Variants in TLN2 observed in about 807,000 individuals in gnomAD.
TLN2 encodes the protein talin 2.
In TLN2, 118 loss-of-function variants were observed where a neutral mutation model predicts 294.7. The ratio of observed to expected loss-of-function variants is 0.40; its 90% confidence interval spans 0.34 to 0.47. TLN2 has a LOEUF of 0.47. Ranked by LOEUF, TLN2 falls within the 20% of genes least tolerant of loss-of-function variation. The probability of loss-of-function intolerance (pLI) is 0.84; values close to 1 mark genes in which losing one functional copy is unlikely to be tolerated. For missense variants in TLN2, 3,083 were observed against 3,282.2 expected (o/e 0.94, Z 1.48); for synonymous variants, 1,431 against 1,304.5 (o/e 1.10, Z -2.09).
At position 62,833,527 on chromosome 15, in the gene TLN2, T is replaced by A; in HGVS notation, c.7026T>A (p.Phe2342Leu). 1 of 1,614,166 alleles carries A rather than the reference T, an allele frequency of 6.2e-7. No homozygotes were observed. The highest frequency in any genetic ancestry group is 1.1e-5 in the South Asian group (1 of 91,064). Reference protein sequence around the residue: ...KPKQADETLDFEEQILEAAKS... With the variant: ...KPKQADETLDLEEQILEAAKS... ...AGCAAGCGGATGAGACCCTGGACTT[T>A]GAGGAACAGATCTTGGAAGCTGCTA... The change falls in exon 55 of 59, where the codon TTT becomes TTA. Residue 2342 changes from phenylalanine to leucine, a missense_variant. Coordinates refer to ENST00000636159, the MANE Select transcript of TLN2 (RefSeq NM_015059.3).
intron 1 of TLN2, among the ~76,000 whole-genome samples, chr15:62,450,539 A>ATGTGTGTG (rs1343419231): frequency 4.8e-5 from 3 of 62,058 alleles, no homozygotes; most frequent in African/African-American, 1.3e-4. Flanking sequence ...GTATGTATGT[A>ATGTGTGTG]TGTATGTATG....
chr15:62,700,641 G>T (rs1037587080), intron 16 of TLN2, among the ~76,000 whole-genome samples: 1 of 152,100 alleles, frequency 6.6e-6, no homozygotes, highest in African/African-American at 2.4e-5. Context: ...GACAATGCAC[G>T]TTGTAAGCAA....
At chr15:62,468,605 T>C (rs1056086656) in intron 1 of TLN2, among the ~76,000 whole-genome samples, 1 of 151,194 alleles carries the variant, frequency 6.6e-6, no homozygotes, top group Non-Finnish European at 1.5e-5. Flanking sequence ...ATTAGCCGGG[T>C]GTGGTGGCGG....
chr15:62,818,503 A>G (rs1429525464), intron 52 of TLN2, among the ~76,000 whole-genome samples: 1 of 152,182 alleles, frequency 6.6e-6, no homozygotes, highest in Admixed American at 6.5e-5. Context: ...TTGAGAAGAA[A>G]TCAGCTGGGG....
At chr15:62,538,222 T>TAC (rs146369886) in intron 1 of TLN2, among the ~76,000 whole-genome samples, 7,172 of 149,890 alleles carry the variant, frequency 0.048, 521 homozygotes, top group African/African-American at 0.16. Flanking sequence ...GACTTTGTCA[T>TAC]ACACACACAC....
intron 8 of TLN2, among the ~76,000 whole-genome samples, 197 bp downstream of exon 8, chr15:62,656,283 G>C (rs987234282): frequency 6.6e-6 from 1 of 152,216 alleles, no homozygotes; most frequent in African/African-American, 2.4e-5. Context: ...TGACCATCCG[G>C]AGTAGGGCCT....
intron 33 of TLN2, among the ~76,000 whole-genome samples, chr15:62,748,843 C>G (rs1567520867): frequency 6.6e-6 from 1 of 152,166 alleles, no homozygotes; most frequent in African/African-American, 2.4e-5. Context: ...GATAGGTGTT[C>G]TTTTGAGTAA....
chr15:62,671,225 T>C (rs1209235541), intron 9 of TLN2, among the ~76,000 whole-genome samples: 1 of 152,232 alleles, frequency 6.6e-6, no homozygotes, highest in Non-Finnish European at 1.5e-5. Context: ...CCCCATTCTA[T>C]GGATTGTATT....
At chr15:62,446,951 G>A (rs999759448) in intron 1 of TLN2, among the ~76,000 whole-genome samples, 20 of 151,634 alleles carry the variant, frequency 1.3e-4, no homozygotes, top group South Asian at 6.3e-4. Flanking sequence ...AAACTCTAAC[G>A]TGGATCATCA....
chr15:62,519,480 GTGA>G (rs1567052176), intron 1 of TLN2, among the ~76,000 whole-genome samples: 1 of 152,208 alleles, frequency 6.6e-6, no homozygotes, highest in African/African-American at 2.4e-5. Flanking sequence ...TTATTGGCTG[GTGA>G]TGATGATAGC....
rs148453745 is a variant in TLN2, at chr15:62,480,846, T to C, written c.-238+90161T>C. Among the ~76,000 whole-genome samples, 316 of 152,344 alleles carry C rather than the reference T, an allele frequency of 2.1e-3. 3 individuals are homozygous for C. The highest frequency in any genetic ancestry group is 7.1e-3 in the African/African-American group (297 of 41,576). On this transcript the variant is annotated intron_variant, in intron 1 of 58. Coordinates refer to ENST00000636159, the MANE Select transcript of TLN2 (RefSeq NM_015059.3). ...GCCCTTTCCCTTTCTGATACTGTGC[T>C]AAAGTGTTCAGACCTTTCCTGCATT...
intron 19 of TLN2, among the ~76,000 whole-genome samples, chr15:62,705,461 G>C (rs1179078350): frequency 6.6e-6 from 1 of 152,190 alleles, no homozygotes; most frequent in Non-Finnish European, 1.5e-5. Flanking sequence ...CTTGTCAGCA[G>C]CTATAGCTGT....
intron 34 of TLN2, among the ~76,000 whole-genome samples, chr15:62,751,206 G>A (rs920479098): frequency 3.9e-5 from 6 of 152,156 alleles, no homozygotes; most frequent in Admixed American, 3.9e-4. Flanking sequence ...TTTTGAGAAT[G>A]CCTTCAAATC....
chr15:62,783,649 T>G, intron 44 of TLN2, 122 bp from the exon 45 acceptor site: 1 of 1,450,218 alleles, frequency 6.9e-7, no homozygotes, highest in East Asian at 2.5e-5. Context: ...CTTCACCCCC[T>G]CAGGAGCTTA....
chr15:62,624,748 C>A (rs2049131361), intron 3 of TLN2, among the ~76,000 whole-genome samples: 1 of 152,132 alleles, frequency 6.6e-6, no homozygotes, highest in African/African-American at 2.4e-5. Flanking sequence ...TGTACGCACA[C>A]AATTACGTAC....
chr15:62,800,211 C>G (rs896307034), intron 48 of TLN2, among the ~76,000 whole-genome samples, 157 bp from the exon 49 acceptor site: 1 of 152,208 alleles, frequency 6.6e-6, no homozygotes, highest in East Asian at 1.9e-4. Context: ...ATCAGAATCA[C>G]CAAGGGTGGC....
chr15:62,443,547 C>A (rs1332540705), intron 1 of TLN2, among the ~76,000 whole-genome samples: 2 of 152,166 alleles, frequency 1.3e-5, no homozygotes, highest in African/African-American at 4.8e-5. Context: ...TCAAAGGAGG[C>A]CCAATCAACG....
At chr15:62,515,836 A>C (rs12443158) in intron 1 of TLN2, among the ~76,000 whole-genome samples, 20,066 of 152,156 alleles carry the variant, frequency 0.13, 2,110 homozygotes, top group East Asian at 0.57. Context: ...CATACTTGCC[A>C]TTCCTCTTGT....
intron 54 of TLN2, among the ~76,000 whole-genome samples, chr15:62,821,989 G>A (rs986291733): frequency 2.0e-5 from 3 of 152,190 alleles, no homozygotes; most frequent in African/African-American, 4.8e-5. Flanking sequence ...GGCTCTGTCC[G>A]CTAATGCCGA....
Sources: gnomAD v4.1 joint callset for allele counts (sites outside exome capture counted in the v4.1 genomes callset) on GRCh38, gnomAD v4.1.1 for gene constraint, MANE v1.5 for transcripts, NCBI Gene and HGNC (gene_info 2026-07-23, HGNC 2026-07-21) for gene names.